DNA2: variants seen among roughly 807,000 people sequenced by gnomAD.
The protein encoded by DNA2 is DNA replication helicase/nuclease 2.
DNA2 carries 101 observed loss-of-function variants against 119.1 expected under a neutral mutation model. The observed-to-expected ratio is 0.85, with a 90% CI of 0.72 to 1.00. The LOEUF is 1.00. DNA2 is among the 50% of genes least tolerant of loss of function. The probability of loss-of-function intolerance (pLI) is 0.00; values close to 1 mark genes in which losing one functional copy is unlikely to be tolerated. For missense variants in DNA2, 1,121 were observed against 1,255.5 expected, an observed-to-expected ratio of 0.89 and a Z score of 1.62; for synonymous variants, 366 against 424.4, an observed-to-expected ratio of 0.86 and a Z score of 1.69.
At chr10:68,440,194 C>G (rs571487121) in intron 9 of DNA2, among the ~76,000 whole-genome samples, 1 of 151,928 alleles carries the variant, frequency 6.6e-6, no homozygotes, top group Admixed American at 6.6e-5. Flanking sequence ...AACCCAGCTT[C>G]TTGGGAGGCT....
At chr10:68,453,597 A>T (rs916722305) in intron 5 of DNA2, among the ~76,000 whole-genome samples, 6 of 152,230 alleles carry the variant, frequency 3.9e-5, no homozygotes, top group Non-Finnish European at 5.9e-5. Flanking sequence ...GAACTAAAAA[A>T]TTCCATTGCC....
At chr10:68,421,039 A>G (rs1451209305) in intron 17 of DNA2, among the ~76,000 whole-genome samples, 2 of 151,930 alleles carry the variant, frequency 1.3e-5, no homozygotes, top group Admixed American at 1.3e-4. Context: ...CCCAGGTTCA[A>G]GCGATTCTCC....
rs557377315 is a variant in DNA2, at chr10:68,432,384, T to A, written c.1763+10A>T. ...TGGAGTGAAATTCAAATTTGCTCAT[T>A]GTTACAAACCTGACAAACGTGTTTT... On this transcript the variant is annotated intron_variant, in intron 11 of 20. Transcript: ENST00000358410. 1.3e-6 allele frequency: 2 copies of A among 1,577,624 alleles called. No homozygotes were observed. Among genetic ancestry groups the A allele is most frequent in the South Asian group, 2.3e-5 (2 of 87,494 alleles).
intron 5 of DNA2, among the ~76,000 whole-genome samples, chr10:68,452,502 C>G (rs1237641474): frequency 1.3e-5 from 2 of 151,956 alleles, no homozygotes; most frequent in East Asian, 3.8e-4. Context: ...TAATAGAATA[C>G]AGGTTAAAAA....
chr10:68,456,481 C>A lies in DNA2; in HGVS notation c.719+2623G>T, dbSNP rs145276135. Reference sequence around the variant, plus strand: ...CCAGGCTACAGTGCAGTGGCACGATCTCGGCTCGCTGTAATCTCTGCCTCC... The same window carrying A: ...CCAGGCTACAGTGCAGTGGCACGATATCGGCTCGCTGTAATCTCTGCCTCC... On this transcript the variant is annotated intron_variant, in intron 5 of 20. Transcript: ENST00000358410. Among the ~76,000 whole-genome samples the A allele has an allele frequency of 6.2e-3, 937 of 152,274 alleles. 11 individuals carry two copies. The highest frequency in any genetic ancestry group is 0.021 in the African/African-American group (893 of 41,564).
At chr10:68,463,867 G>C (rs766274948) in intron 4 of DNA2, among the ~76,000 whole-genome samples, 1 of 152,142 alleles carries the variant, frequency 6.6e-6, no homozygotes, top group Non-Finnish European at 1.5e-5. Context: ...TGACAGAGCA[G>C]AGTTGTGTCA....
At chr10:68,469,274 G>A (rs555231855) in intron 2 of DNA2, among the ~76,000 whole-genome samples, 17 of 151,834 alleles carry the variant, frequency 1.1e-4, no homozygotes, top group Admixed American at 5.9e-4. Flanking sequence ...GGCCGGGCGC[G>A]GTGGCTCACG....
chr10:68,448,940 TGTGTGTGTGTGTGTGTGTGTGTGTGTGC>T (rs2052077250), intron 6 of DNA2, among the ~76,000 whole-genome samples: 2 of 129,968 alleles, frequency 1.5e-5, no homozygotes, highest in East Asian at 2.5e-4. Flanking sequence ...CAGGTGTGTG[TGTGTGTGTGTGTGTGTGTGTGTGTGTGC>T]GTGTGTGTGT....
In DNA2 at chr10:68,468,277, A is replaced by G. The variant is rs373811580; in HGVS notation, c.287T>C (p.Ile96Thr). Residue 96 changes from isoleucine to threonine, a missense_variant, in exon 3 of 21, where the codon ATC (isoleucine) becomes ACC (threonine). Coordinates refer to ENST00000358410, the MANE Select transcript of DNA2 (RefSeq NM_001080449.3). Reference protein sequence around the residue: ...WCSVPVEPGDIIHLEGDCTSD... With the variant: ...WCSVPVEPGDTIHLEGDCTSD... ...TGTGCAGTCTCCCTCCAAATGAATG[A>G]TATCTCCTGGCTCTACTGGAACAGA... The G allele has an allele frequency of 3.4e-5, 55 of 1,607,918 alleles. No individual in the cohort carries two copies. In the African/African-American group the frequency reaches 3.6e-4, roughly 11 times the overall value.
At chr10:68,463,729 A>G (rs2133441642) in intron 4 of DNA2, among the ~76,000 whole-genome samples, 1 of 152,234 alleles carries the variant, frequency 6.6e-6, no homozygotes, top group South Asian at 2.1e-4. Flanking sequence ...GAGCACCATA[A>G]TAACACATTC....
intron 4 of DNA2, among the ~76,000 whole-genome samples, chr10:68,463,813 G>A (rs886347778): frequency 1.3e-5 from 2 of 152,108 alleles, no homozygotes; most frequent in Admixed American, 1.3e-4. Context: ...AATTTAATAA[G>A]CTGTTACTTT....
intron 9 of DNA2, among the ~76,000 whole-genome samples, chr10:68,438,678 T>G (rs1590059218): frequency 1.3e-5 from 2 of 152,154 alleles, no homozygotes; most frequent in South Asian, 2.1e-4. Context: ...CAATGTTATC[T>G]TGTGTTAAAG....
chr10:68,416,535 C>G (rs915383926), intron 20 of DNA2, 174 bp downstream of exon 20: 9 of 578,628 alleles, frequency 1.6e-5, no homozygotes, highest in Admixed American at 3.0e-5. Context: ...AGGCTGGGGG[C>G]CGTGGCTCAC....
chr10:68,420,605 A>G (rs981083778), intron 17 of DNA2, among the ~76,000 whole-genome samples: 1 of 151,874 alleles, frequency 6.6e-6, no homozygotes, highest in African/African-American at 2.4e-5. Flanking sequence ...GTCCCCTTTT[A>G]TACAAATAAT....
At chr10:68,453,590 CTAAAA>C (rs1375421642) in intron 5 of DNA2, among the ~76,000 whole-genome samples, 1 of 152,156 alleles carries the variant, frequency 6.6e-6, no homozygotes, top group Non-Finnish European at 1.5e-5. Flanking sequence ...TATAATGGAA[CTAAAA>C]AATTCCATTG....
intron 5 of DNA2, among the ~76,000 whole-genome samples, chr10:68,453,850 ACACCACATTTCT>A (rs1326175597): frequency 6.6e-6 from 1 of 152,194 alleles, no homozygotes; most frequent in Non-Finnish European, 1.5e-5. Flanking sequence ...ACATTGCCTA[ACACCACATTTCT>A]CAAAACATAT....
In DNA2 at chr10:68,471,922, C is replaced by G; in HGVS notation, c.-58G>C. ...AAAGACAGCGGAACCGGGGGTAACA[C>G]AGAAAGCTTAGAAAAGGGAAAAAGG... On this transcript the variant is annotated 5_prime_UTR_variant, in exon 1 of 21. Transcript: ENST00000358410. The G allele has an allele frequency of 6.2e-7, 1 of 1,613,762 alleles. No homozygotes were observed. Among genetic ancestry groups the G allele is most frequent in the Non-Finnish European group, 8.5e-7 (1 of 1,179,700 alleles).
chr10:68,451,031 C>T (rs142934327), intron 5 of DNA2, among the ~76,000 whole-genome samples: 3,396 of 146,360 alleles, frequency 0.023, 127 homozygotes, highest in African/African-American at 0.08. Flanking sequence ...ACCCAGGAGG[C>T]GGAGGTTGCA....
intron 14 of DNA2, among the ~76,000 whole-genome samples, chr10:68,426,563 TG>T (rs1464662591): frequency 7.0e-6 from 1 of 142,442 alleles, no homozygotes; most frequent in African/African-American, 2.6e-5. Flanking sequence ...AGGCCGGGCG[TG>T]GTGGCTCACA....
Sources: allele counts gnomAD v4.1 joint callset (sites outside exome capture counted in the v4.1 genomes callset), GRCh38; gene constraint gnomAD v4.1.1; transcripts MANE v1.5; gene names NCBI Gene and HGNC (gene_info 2026-07-23, HGNC 2026-07-21).